Variants in HGSNAT observed in about 807,000 individuals in gnomAD.
HGSNAT encodes the protein heparan-alpha-glucosaminide N-acetyltransferase.
Under a neutral mutation model 85.2 loss-of-function variants are expected in HGSNAT, and 59 were observed. That is an observed-to-expected ratio of 0.69 (90% confidence interval 0.56 to 0.86). HGSNAT has a LOEUF of 0.86. HGSNAT is among the 40% of genes least tolerant of loss of function. The pLI is 0.00. For synonymous variants in HGSNAT, 321 were observed against 304.5 expected (o/e 1.05, Z -0.56); for missense variants, 756 against 777.1 (o/e 0.97, Z 0.32).
intron 4 of HGSNAT, among the ~76,000 whole-genome samples, chr8:43,161,114 G>T (rs1198826862): frequency 6.6e-6 from 1 of 152,144 alleles, no homozygotes; most frequent in Non-Finnish European, 1.5e-5. Flanking sequence ...GATTCCTAAA[G>T]AAATAGTTTA....
Position 43,202,124 on chromosome 8 carries a change from G to A in HGSNAT, c.*2555G>A, listed in dbSNP as rs529722582. 6.5e-6 allele frequency: 1 copy of A among 153,104 alleles called. No homozygotes were observed. Among genetic ancestry groups the A allele is most frequent in the Admixed American group, 6.5e-5 (1 of 15,286 alleles). The allele number at this position is 153,104 out of a possible 1,614,324, so 9.5% of individuals were successfully genotyped here. A position where few individuals can be genotyped will look rare whatever the true frequency, so the allele number is the denominator to read the frequency against. ...AACTCCGGAGTCAGCTGGGCTACAG[G>A]GGAGCTTCTCTAAGTCCTGCGGGAG... On this transcript the variant is annotated 3_prime_UTR_variant, in exon 18 of 18. Coordinates refer to ENST00000379644, the MANE Select transcript of HGSNAT (RefSeq NM_152419.3).
chr8:43,188,578 TGG>T (rs1804406542), intron 11 of HGSNAT, among the ~76,000 whole-genome samples: 1 of 152,198 alleles, frequency 6.6e-6, no homozygotes, highest in African/African-American at 2.4e-5. Flanking sequence ...TTCTTTGAGA[TGG>T]GTTCAAACAT....
chr8:43,150,516 G>T lies in HGSNAT; in HGVS notation c.234+3453G>T, dbSNP rs192029061. Reference sequence around the variant, plus strand: ...TACAATGTGGAAAATACATAAAAAAGAAAAGATATTGTGAGTATTTAAAAT... The same window carrying T: ...TACAATGTGGAAAATACATAAAAAATAAAAGATATTGTGAGTATTTAAAAT... On this transcript the variant is annotated intron_variant, in intron 2 of 17. Transcript: ENST00000379644. Among the ~76,000 whole-genome samples the T allele has an allele frequency of 3.2e-3, 490 of 151,462 alleles. 4 individuals are homozygous for T. Among genetic ancestry groups the T allele is most frequent in the Non-Finnish European group, 4.9e-3 (333 of 67,856 alleles).
At chr8:43,156,486 T>A (rs1254181616) in intron 2 of HGSNAT, among the ~76,000 whole-genome samples, 1 of 152,186 alleles carries the variant, frequency 6.6e-6, no homozygotes, top group Admixed American at 6.5e-5. Context: ...TTAAAATTTT[T>A]TCATTGACTC....
chr8:43,151,106 G>A (rs1802902780), intron 2 of HGSNAT, among the ~76,000 whole-genome samples: 1 of 152,112 alleles, frequency 6.6e-6, no homozygotes, highest in Non-Finnish European at 1.5e-5. Context: ...AAAGTACATC[G>A]AAAATAATGG....
intron 2 of HGSNAT, among the ~76,000 whole-genome samples, chr8:43,156,046 G>A (rs916638383): frequency 1.3e-5 from 2 of 151,972 alleles, no homozygotes; most frequent in Non-Finnish European, 2.9e-5. Flanking sequence ...CACCATGTTG[G>A]CCAGGCTGGT....
chr8:43,170,763 A>T, intron 7 of HGSNAT, 69 bp downstream of exon 7: 1 of 952,474 alleles, frequency 1.0e-6, no homozygotes, highest in East Asian at 2.7e-5. Flanking sequence ...ACATACACAC[A>T]CTTTTAGCTT....
At chr8:43,193,031 C>T (rs1804594906) in intron 13 of HGSNAT, among the ~76,000 whole-genome samples, 2 of 152,198 alleles carry the variant, frequency 1.3e-5, no homozygotes. Flanking sequence ...GGTGGCGCTG[C>T]AGAATTGTTC....
Position 43,192,288 on chromosome 8 carries a change from CT to C in HGSNAT, c.1251-12del, listed in dbSNP as rs778052321. Reference sequence around the variant, plus strand: ...TATGAGGTCTTGTCATTTACATATGCTTTTCACCTTCCTAGTGGTTATCTTG... The same window carrying C: ...TATGAGGTCTTGTCATTTACATATGCTTTCACCTTCCTAGTGGTTATCTTG... On this transcript the variant is annotated splice_polypyrimidine_tract_variant and intron_variant, in intron 12 of 17. Transcript: ENST00000379644. 1.3e-6 allele frequency: 2 copies of C among 1,599,240 alleles called. No homozygotes were observed.
At chr8:43,171,268 TAGTGA>T in intron 7 of HGSNAT, among the ~76,000 whole-genome samples, 1 of 152,208 alleles carries the variant, frequency 6.6e-6, no homozygotes, top group Non-Finnish European at 1.5e-5. Context: ...TTCTGAACTC[TAGTGA>T]CAACCCTATA....
At chr8:43,181,451 G>A (rs554371175) in intron 10 of HGSNAT, among the ~76,000 whole-genome samples, 2 of 152,170 alleles carry the variant, frequency 1.3e-5, no homozygotes, top group South Asian at 2.1e-4. Flanking sequence ...CCTTGCAACT[G>A]TCGTTAGCAG....
chr8:43,192,423 C>T lies in HGSNAT; in HGVS notation c.1370C>T (p.Ser457Phe). ...GACGATCACCTTTACCAGCACCCAT[C>T]TTCTGCTGTGAGTGAGACTCGAGTT... ...LGDDHLYQHPSSAVLYHTEVA... is the reference protein window; with the variant it reads ...LGDDHLYQHPFSAVLYHTEVA... Residue 457 changes from serine to phenylalanine, a missense_variant, in exon 13 of 18, where the codon TCT becomes TTT. Transcript: ENST00000379644. 1 of 1,609,656 alleles carries T rather than the reference C, an allele frequency of 6.2e-7. No individual in the cohort carries two copies.
At chr8:43,172,278 C>CTTG (rs770410584) in intron 7 of HGSNAT, 32 bp from the exon 8 acceptor site, 147 of 1,520,636 alleles carry the variant, frequency 9.7e-5, no homozygotes, top group Admixed American at 3.5e-4. Context: ...ATAGCAAACC[C>CTTG]TGAAAGGCTT....
intron 2 of HGSNAT, 77 bp downstream of exon 2, chr8:43,147,140 G>T (rs912193888): frequency 3.8e-6 from 3 of 794,218 alleles, no homozygotes; most frequent in East Asian, 2.8e-5. Flanking sequence ...CATGTCTAAA[G>T]CCCTTCACAA....
intron 8 of HGSNAT, 39 bp from the exon 9 acceptor site, chr8:43,173,674 C>G: frequency 6.2e-7 from 1 of 1,607,646 alleles, no homozygotes; most frequent in Non-Finnish European, 8.5e-7. Context: ...TATTTGTATT[C>G]TAGAGTCCTT....
intron 9 of HGSNAT, among the ~76,000 whole-genome samples, chr8:43,175,245 A>G (rs1246411571): frequency 6.6e-6 from 1 of 152,202 alleles, no homozygotes; most frequent in Non-Finnish European, 1.5e-5. Flanking sequence ...TATACCCAGC[A>G]GTGGGATTGC....
At chr8:43,160,817 T>C (rs1361723597) in intron 4 of HGSNAT, among the ~76,000 whole-genome samples, 1 of 152,238 alleles carries the variant, frequency 6.6e-6, no homozygotes, top group African/African-American at 2.4e-5. Context: ...CTTTGTCTCC[T>C]CCAGTCTAGG....
chr8:43,177,513 G>A (rs865905186), intron 9 of HGSNAT, among the ~76,000 whole-genome samples: 13 of 144,504 alleles, frequency 9.0e-5, no homozygotes, highest in South Asian at 4.3e-4. Flanking sequence ...AGCCGAGATC[G>A]TGCCATTGCA....
intron 10 of HGSNAT, chr8:43,180,728 G>A (rs1177112523): frequency 1.6e-5 from 5 of 309,690 alleles, no homozygotes; most frequent in Non-Finnish European, 2.5e-5. Flanking sequence ...TCGGCTCTCC[G>A]GGAGGCCAAG....
Sources: gnomAD v4.1 joint callset for allele counts (sites outside exome capture counted in the v4.1 genomes callset) on GRCh38, gnomAD v4.1.1 for gene constraint, MANE v1.5 for transcripts, NCBI Gene and HGNC (gene_info 2026-07-23, HGNC 2026-07-21) for gene names.